The following ECHDC2 variants were observed in gnomAD, a reference collection of about 807,000 sequenced individuals.
The protein encoded by ECHDC2 is enoyl-CoA hydratase domain-containing protein 2, mitochondrial.
In ECHDC2, 34 loss-of-function variants were observed where a neutral mutation model predicts 40.6. That is an observed-to-expected ratio of 0.84 (90% CI 0.64 to 1.11). ECHDC2 has a LOEUF of 1.11. ECHDC2 is among the 50% of genes most tolerant of loss of function. ECHDC2 has a pLI of 0.00. For missense variants in ECHDC2, 392 were observed against 400.7 expected, an observed-to-expected ratio of 0.98 and a Z score of 0.19; for synonymous variants, 162 against 166.6, an observed-to-expected ratio of 0.97 and a Z score of 0.21.
At chr1:52,901,897 G>C (rs1348798228) in intron 7 of ECHDC2, 1 of 152,106 alleles carries the variant, frequency 6.6e-6, no homozygotes, top group Non-Finnish European at 1.5e-5. Context: ...GCTGCAATCA[G>C]CCACTCCATT....
At chr1:52,903,743 T>A (rs1383246108) in intron 7 of ECHDC2, among the ~76,000 whole-genome samples, 1 of 151,842 alleles carries the variant, frequency 6.6e-6, no homozygotes, top group Non-Finnish European at 1.5e-5. Context: ...CCAGCCTGGA[T>A]GACACAGCGA....
In ECHDC2 at chr1:52,906,605, A is replaced by T. The variant is rs1647908636; in HGVS notation, c.371T>A (p.Phe124Tyr). 4 of 1,609,708 alleles carry T rather than the reference A, an allele frequency of 2.5e-6. No individual in the cohort carries two copies. Among genetic ancestry groups the T allele is most frequent in the Non-Finnish European group, 3.4e-6 (4 of 1,177,960 alleles). ...CATAGCCGCAATGGTGGGTGCAGGG[A>T]AGGCTGCTGTGGAGAGGAAGAAAGG... is the stretch of plus-strand genomic sequence containing the variant. ...LRGLMNDIAA[F>Y]PAPTIAAMDG... Residue 124 changes from phenylalanine (F) to tyrosine (Y), a missense_variant, in exon 5 of 10, where the codon TTC becomes TAC. Physicochemically the swap from Phe to Tyr is conservative, Grantham distance 22. Coordinates refer to ENST00000371522, the MANE Select transcript of ECHDC2 (RefSeq NM_001198961.2).
chr1:52,896,769 T>C (rs1193518059), intron 9 of ECHDC2, 172 bp from the exon 10 acceptor site: 9 of 599,472 alleles, frequency 1.5e-5, no homozygotes, highest in Non-Finnish European at 2.1e-5. Flanking sequence ...CTTTGTCTCC[T>C]GGGGAAGACA....
At chr1:52,900,700 G>A (rs1270724747) in intron 7 of ECHDC2, 2 of 152,112 alleles carry the variant, frequency 1.3e-5, no homozygotes, top group Admixed American at 6.6e-5. Flanking sequence ...GTGACTGAAG[G>A]GTTACTGGGA....
chr1:52,910,935 G>A (rs1224881499), intron 3 of ECHDC2, among the ~76,000 whole-genome samples: 1 of 152,198 alleles, frequency 6.6e-6, no homozygotes, highest in East Asian at 1.9e-4. Context: ...AGTCAGAGCT[G>A]GGAGAGCCTT....
At chr1:52,897,631 T>A in intron 8 of ECHDC2, 147 bp from the exon 9 acceptor site, 1 of 772,716 alleles carries the variant, frequency 1.3e-6, no homozygotes, top group South Asian at 1.5e-5. Flanking sequence ...GAAACACCAT[T>A]CGTAACTATG....
chr1:52,907,708 G>C (rs1198388150), intron 4 of ECHDC2, 160 bp downstream of exon 4: 1 of 624,152 alleles, frequency 1.6e-6, no homozygotes, highest in Admixed American at 2.9e-5. Context: ...TGAGAGAACT[G>C]CCCTCGGTCA....
intron 3 of ECHDC2, among the ~76,000 whole-genome samples, chr1:52,911,309 G>A (rs1027826156): frequency 5.9e-5 from 9 of 152,108 alleles, no homozygotes; most frequent in Non-Finnish European, 1.0e-4. Flanking sequence ...CCCGTGAAGG[G>A]TCAGAACAAA....
chr1:52,906,430 T>A, intron 5 of ECHDC2, 89 bp downstream of exon 5: 1 of 1,143,386 alleles, frequency 8.7e-7, no homozygotes, highest in Non-Finnish European at 1.3e-6. Context: ...CCAAGAACAG[T>A]GGCTGACTGC....
In ECHDC2 at chr1:52,896,176, C is replaced by T. The variant is rs927388603; in HGVS notation, c.*344G>A. On this transcript the variant is annotated 3_prime_UTR_variant, in exon 10 of 10. Transcript: ENST00000371522. ...ATCTTCTGACATCTCTAATGAGTGCCTGATAACTGAGAGAGGTCAGGGGCT... is the reference window on the plus strand; with the variant it reads ...ATCTTCTGACATCTCTAATGAGTGCTTGATAACTGAGAGAGGTCAGGGGCT... 9 of 256,502 alleles carry T rather than the reference C, an allele frequency of 3.5e-5. No homozygotes were observed. Among genetic ancestry groups the T allele is most frequent in the Non-Finnish European group, 6.3e-5 (8 of 127,418 alleles). 15.9% of individuals were successfully genotyped at this position (256,502 alleles called of 1,614,324 possible). A position where few individuals can be genotyped will look rare whatever the true frequency, so the allele number is the denominator to read the frequency against.
chr1:52,906,654 G>C, intron 4 of ECHDC2, 43 bp from the exon 5 acceptor site: 3 of 1,514,346 alleles, frequency 2.0e-6, no homozygotes, highest in Non-Finnish European at 2.7e-6. Context: ...GCCCTGGTGG[G>C]ACCAGGACAG....
At chr1:52,908,855 G>C (rs1196071490) in intron 3 of ECHDC2, among the ~76,000 whole-genome samples, 3 of 150,186 alleles carry the variant, frequency 2.0e-5, no homozygotes, top group African/African-American at 7.4e-5. Flanking sequence ...CAGGAGAATC[G>C]CGTGAGCCCA....
rs1003306101 is a variant in ECHDC2 at position 52,914,035 on chromosome 1, T to C, written c.122-2245A>G. ...ATATTTGCTGTGTGCTGGCCTCTAC[T>C]AGACACCGTGATTCCAGAGACCAGG... On this transcript the variant is annotated intron_variant, in intron 1 of 9. Transcript: ENST00000371522. This position sits in a 1 kb window ranked among gnomAD's most constrained non-coding sequence, Gnocchi z 4.0. The C allele has an allele frequency of 7.7e-6, 9 of 1,173,298 alleles. No individual in the cohort carries two copies. Among genetic ancestry groups the C allele is most frequent in the Admixed American group, 2.4e-5 (1 of 42,088 alleles). 72.7% of individuals were successfully genotyped at this position (1,173,298 alleles called of 1,614,324 possible).
At chr1:52,907,775 A>G (rs1648286302) in intron 4 of ECHDC2, 93 bp downstream of exon 4, 1 of 1,120,046 alleles carries the variant, frequency 8.9e-7, no homozygotes, top group South Asian at 1.4e-5. Flanking sequence ...CCAAACAGAA[A>G]GAAGACTCTC....
At chr1:52,899,106 C>CT in intron 8 of ECHDC2, 68 bp downstream of exon 8, 1 of 1,524,496 alleles carries the variant, frequency 6.6e-7, no homozygotes, top group South Asian at 1.1e-5. Flanking sequence ...TGTCTGAGCT[C>CT]TGAAAGCACT....
chr1:52,906,380 C>T (rs1207785851), intron 5 of ECHDC2, 139 bp downstream of exon 5: 16 of 765,722 alleles, frequency 2.1e-5, no homozygotes, highest in Non-Finnish European at 3.5e-5. Context: ...TGAGCACCCT[C>T]TGTGCTCTGC....
At chr1:52,896,702 T>G in intron 9 of ECHDC2, 105 bp from the exon 10 acceptor site, 1 of 905,234 alleles carries the variant, frequency 1.1e-6, no homozygotes, top group South Asian at 1.4e-5. Context: ...TCCAAGTGTT[T>G]CCATTGTCTC....
chr1:52,912,105 C>T, intron 1 of ECHDC2: 1 of 1,213,418 alleles, frequency 8.2e-7, no homozygotes, highest in East Asian at 3.5e-5. Flanking sequence ...CAGACAGACA[C>T]ACACACACAC....
intron 1 of ECHDC2, among the ~76,000 whole-genome samples, chr1:52,918,532 G>C (rs1189126397): frequency 6.6e-6 from 1 of 152,050 alleles, no homozygotes; most frequent in African/African-American, 2.4e-5. Context: ...GATAGGTCTA[G>C]GCTCGTGTGT....
Sources: gnomAD v4.1 joint callset for allele counts (sites outside exome capture counted in the v4.1 genomes callset) on GRCh38, gnomAD v4.1.1 for gene constraint, Gnocchi (gnomAD v3.1) non-coding constraint, MANE v1.5 for transcripts, NCBI Gene and HGNC (gene_info 2026-07-23, HGNC 2026-07-21) for gene names.